PARP4: variants seen among roughly 807,000 people sequenced by gnomAD.
PARP4 encodes the protein poly(ADP-ribose) polymerase family member 4.
Under a neutral mutation model 187.7 loss-of-function variants are expected in PARP4, and 120 were observed. The ratio of observed to expected loss-of-function variants is 0.64; its 90% CI spans 0.55 to 0.74. PARP4 has a LOEUF of 0.74. Ranked by LOEUF, PARP4 falls within the 30% of genes least tolerant of loss-of-function variation. The pLI is 0.00. For missense variants in PARP4, 1,836 were observed against 2,070.5 expected, an observed-to-expected ratio of 0.89 and a Z score of 2.20; for synonymous variants, 654 against 740.9, an observed-to-expected ratio of 0.88 and a Z score of 1.90.
intron 17 of PARP4, among the ~76,000 whole-genome samples, chr13:24,460,542 C>T (rs1056593337): frequency 6.6e-6 from 1 of 152,146 alleles, no homozygotes; most frequent in Non-Finnish European, 1.5e-5. Context: ...ATGGCCTCCA[C>T]AAAGCCCTTT....
intron 32 of PARP4, among the ~76,000 whole-genome samples, chr13:24,428,392 A>G (rs753315032): frequency 1.3e-5 from 2 of 152,186 alleles, no homozygotes; most frequent in Non-Finnish European, 2.9e-5. Flanking sequence ...GGGTGATCTC[A>G]TCCAGAGCCA....
intron 18 of PARP4, 91 bp from the exon 19 acceptor site, chr13:24,459,401 T>A (rs1445835671): frequency 8.3e-7 from 1 of 1,203,296 alleles, no homozygotes; most frequent in Non-Finnish European, 1.2e-6. Flanking sequence ...AGGCCACAAC[T>A]GTCAGCAAGA....
chr13:24,489,929 G>T (rs1406755444), intron 10 of PARP4, among the ~76,000 whole-genome samples: 1 of 152,194 alleles, frequency 6.6e-6, no homozygotes, highest in Non-Finnish European at 1.5e-5. Context: ...TCTCTTAAAT[G>T]TTGACAACTG....
At chr13:24,506,396 A>G (rs940020875) in intron 1 of PARP4, among the ~76,000 whole-genome samples, 5 of 152,150 alleles carry the variant, frequency 3.3e-5, no homozygotes, top group Admixed American at 3.3e-4. Flanking sequence ...AGCGTGGAAG[A>G]GGACCCCAGC....
intron 32 of PARP4, among the ~76,000 whole-genome samples, chr13:24,429,618 GTCTC>G (rs758572186): frequency 3.4e-4 from 52 of 152,266 alleles, no homozygotes; most frequent in Non-Finnish European, 5.7e-4. Context: ...TATTTATAAA[GTCTC>G]TCTAATTTGG....
chr13:24,425,070 C>T lies in PARP4; in HGVS notation c.4979+1396G>A, dbSNP rs35962258. The stretch of plus-strand genomic sequence containing the variant: ...TAATCCCAGCACTTCAGGAGGCTGA[C>T]GCGGGAGGATTGCTTGAGTTCAGGA... On this transcript the variant is annotated intron_variant, in intron 33 of 33. Coordinates refer to ENST00000381989, the MANE Select transcript of PARP4 (RefSeq NM_006437.4). Among the ~76,000 whole-genome samples the T allele has an allele frequency of 2.1e-3, 318 of 151,630 alleles. 1 individual carries two copies. Among genetic ancestry groups the T allele is most frequent in the African/African-American group, 7.3e-3 (301 of 41,300 alleles).
At chr13:24,440,106 G>T (rs1030288442) in intron 30 of PARP4, among the ~76,000 whole-genome samples, 1 of 152,064 alleles carries the variant, frequency 6.6e-6, no homozygotes, top group African/African-American at 2.4e-5. Context: ...TATACAAAAG[G>T]GTGCACTGTA....
Position 24,501,626 on chromosome 13 carries a change from T to C in PARP4, c.334+7A>G, listed in dbSNP as rs1289430787. 1 of 1,600,376 alleles carries C rather than the reference T, an allele frequency of 6.2e-7. No individual in the cohort carries two copies. Among genetic ancestry groups the C allele is most frequent in the Non-Finnish European group, 8.6e-7 (1 of 1,167,876 alleles). ...GATACGTTAAATGCTTGCTATGAAA[T>C]ACCTACCAGAACTGCTCGCCTTCTG... On this transcript the variant is annotated splice_region_variant and intron_variant, in intron 3 of 33. Transcript: ENST00000381989.
chr13:24,490,524 A>T (rs1431572084), intron 10 of PARP4, 144 bp downstream of exon 10: 1 of 673,956 alleles, frequency 1.5e-6, no homozygotes, highest in African/African-American at 1.8e-5. Flanking sequence ...TTCTGAACAG[A>T]GAAGAAAGTA....
At chr13:24,492,160 A>G (rs1868689360) in intron 9 of PARP4, among the ~76,000 whole-genome samples, 1 of 152,220 alleles carries the variant, frequency 6.6e-6, no homozygotes, top group Non-Finnish European at 1.5e-5. Flanking sequence ...CTCATTCCAG[A>G]GTCTGAAAAG....
chr13:24,491,760 C>T (rs1868668055), intron 9 of PARP4, among the ~76,000 whole-genome samples: 1 of 152,156 alleles, frequency 6.6e-6, no homozygotes, highest in Non-Finnish European at 1.5e-5. Flanking sequence ...GAGGAGATGG[C>T]CCATTTCTGA....
chr13:24,426,465 C>T lies in PARP4; in HGVS notation c.4979+1G>A. ...TTGCATAATACTATAGTTAAAGCCA[C>T]CTGGAAATAGAAGCGTCATCCATTT... On this transcript the variant is annotated splice_donor_variant, in intron 33 of 33. Coordinates refer to ENST00000381989, the MANE Select transcript of PARP4 (RefSeq NM_006437.4). LOFTEE classifies it high-confidence loss of function. 6.2e-7 allele frequency: 1 copy of T among 1,606,402 alleles called. No homozygotes were observed. Among genetic ancestry groups the T allele is most frequent in the East Asian group, 2.2e-5 (1 of 44,834 alleles).
intron 10 of PARP4, among the ~76,000 whole-genome samples, chr13:24,489,986 C>T (rs1868542485): frequency 6.6e-6 from 1 of 152,178 alleles, no homozygotes; most frequent in African/African-American, 2.4e-5. Context: ...ACCATTTGTT[C>T]TAAGGGCTGT....
intron 30 of PARP4, among the ~76,000 whole-genome samples, chr13:24,439,558 A>G (rs151145810): frequency 0.01 from 1,577 of 152,230 alleles, 23 homozygotes; most frequent in African/African-American, 0.036. Context: ...TTATTGTGGG[A>G]AAAATGTATA....
At chr13:24,491,298 T>G (rs1041483815) in intron 9 of PARP4, among the ~76,000 whole-genome samples, 1 of 152,118 alleles carries the variant, frequency 6.6e-6, no homozygotes, top group African/African-American at 2.4e-5. Flanking sequence ...CTTCTTGTAT[T>G]TTTAATAGAG....
chr13:24,429,563 A>G (rs1017193006), intron 32 of PARP4, among the ~76,000 whole-genome samples: 1 of 152,176 alleles, frequency 6.6e-6, no homozygotes, highest in African/African-American at 2.4e-5. Context: ...GTCCTTGATC[A>G]TGAGATATGA....
Position 24,486,235 on chromosome 13 carries a change from T to A in PARP4, c.1285A>T (p.Lys429Ter), listed in dbSNP as rs748089434. 6.2e-6 allele frequency: 10 copies of A among 1,613,660 alleles called. No homozygotes were observed. Among genetic ancestry groups the A allele is most frequent in the Non-Finnish European group, 8.5e-6 (10 of 1,179,580 alleles). Residue 429 changes from lysine to a stop codon, truncating the protein, a stop_gained, in exon 11 of 34, where the codon AAA (lysine) becomes TAA (stop). Transcript: ENST00000381989. LOFTEE classifies it high-confidence loss of function. ...RVNETTEFLS[K>*]LGNVRPLLHG... ...AACAAGGGCCTCACATTACCAAGTT[T>A]GCTCAAAAACTCTGTGGTTTCATTC...
chr13:24,475,251 C>G (rs915874447), intron 15 of PARP4, among the ~76,000 whole-genome samples: 2 of 152,210 alleles, frequency 1.3e-5, no homozygotes, highest in African/African-American at 4.8e-5. Flanking sequence ...CCTACTCCCC[C>G]ACACAGTGTG....
At chr13:24,445,803 T>G (rs1003292471) in intron 27 of PARP4, among the ~76,000 whole-genome samples, 1 of 152,166 alleles carries the variant, frequency 6.6e-6, no homozygotes, top group Non-Finnish European at 1.5e-5. Flanking sequence ...ACCAGAAGTG[T>G]GGGTAACCTG....
Sources: allele counts gnomAD v4.1 joint callset (sites outside exome capture counted in the v4.1 genomes callset), GRCh38; gene constraint gnomAD v4.1.1; transcripts MANE v1.5; gene names NCBI Gene and HGNC (gene_info 2026-07-23, HGNC 2026-07-21).